VPS50: variants seen among roughly 807,000 people sequenced by gnomAD.
The protein encoded by VPS50 is VPS50 subunit of EARP/GARPII complex, also known as syndetin.
In VPS50, 70 loss-of-function variants were observed where a neutral mutation model predicts 139.7. The observed-to-expected ratio is 0.50, with a 90% CI of 0.41 to 0.61. The LOEUF (loss-of-function observed/expected upper bound fraction) is 0.61. Among genes scored for constraint, VPS50 ranks in the 20% least tolerant of loss-of-function variants. The pLI, the probability that VPS50 is intolerant of heterozygous loss-of-function variation, is 0.00. For missense variants in VPS50, 921 were observed against 1,133.7 expected (o/e 0.81, Z 2.69); for synonymous variants, 365 against 376.7 (o/e 0.97, Z 0.36).
chr7:93,254,954 G>T (rs1440077994), intron 4 of VPS50, among the ~76,000 whole-genome samples: 2 of 152,100 alleles, frequency 1.3e-5, no homozygotes, highest in East Asian at 3.9e-4. Flanking sequence ...TGGGTGCTAG[G>T]GTCTGCTTGG....
In VPS50 at chr7:93,350,041, T is replaced by A. The variant is rs1798512954; in HGVS notation, c.2463+8T>A. On this transcript the variant is annotated splice_region_variant and intron_variant, in intron 25 of 27. Transcript: ENST00000305866. ...GTAGATGCACTATTAAAGGCAAGTG[T>A]TCTGGGAAGCACCTGTGCTAAAGAT... 6 of 1,605,756 alleles carry A rather than the reference T, an allele frequency of 3.7e-6. No individual in the cohort carries two copies. Among genetic ancestry groups the A allele is most frequent in the Non-Finnish European group, 4.3e-6 (5 of 1,174,460 alleles).
chr7:93,310,647 C>T (rs1307893944), intron 19 of VPS50, among the ~76,000 whole-genome samples: 2 of 151,990 alleles, frequency 1.3e-5, no homozygotes, highest in East Asian at 1.9e-4. Flanking sequence ...TACATGCGAA[C>T]GTGGTGAACT....
At chr7:93,307,226 C>T (rs71562819) in intron 18 of VPS50, among the ~76,000 whole-genome samples, 3,255 of 151,922 alleles carry the variant, frequency 0.021, 70 homozygotes, top group South Asian at 0.033. Context: ...AGTACATAAT[C>T]TGAATTCATA....
At chr7:93,290,139 T>C (rs752491467) in intron 12 of VPS50, among the ~76,000 whole-genome samples, 7 of 152,108 alleles carry the variant, frequency 4.6e-5, no homozygotes, top group Non-Finnish European at 1.0e-4. Flanking sequence ...CTTGCTACTT[T>C]GCTGAATTCT....
intron 14 of VPS50, among the ~76,000 whole-genome samples, chr7:93,295,759 C>T (rs892763879): frequency 1.3e-5 from 2 of 151,988 alleles, no homozygotes; most frequent in Non-Finnish European, 2.9e-5. Context: ...GGGTCTCACT[C>T]TGTCACCCAG....
chr7:93,322,739 A>G (rs1281532288), intron 20 of VPS50, among the ~76,000 whole-genome samples: 1 of 152,208 alleles, frequency 6.6e-6, no homozygotes, highest in Admixed American at 6.5e-5. Flanking sequence ...AAGAAAGTAT[A>G]GAGCATTTTT....
At chr7:93,307,388 C>T (rs1336082883) in intron 18 of VPS50, among the ~76,000 whole-genome samples, 1 of 151,826 alleles carries the variant, frequency 6.6e-6, no homozygotes, top group African/African-American at 2.4e-5. Context: ...AAATCACCAA[C>T]AAAAAGCACA....
At chr7:93,351,109 T>C (rs1040108553) in intron 25 of VPS50, among the ~76,000 whole-genome samples, 8 of 152,148 alleles carry the variant, frequency 5.3e-5, no homozygotes, top group Non-Finnish European at 1.5e-5. Flanking sequence ...GGTTGAAGAC[T>C]GTGAGGCTGT....
chr7:93,343,227 G>A (rs1455058064), intron 23 of VPS50, among the ~76,000 whole-genome samples: 2 of 152,302 alleles, frequency 1.3e-5, no homozygotes, highest in African/African-American at 4.8e-5. Context: ...GGAAGAAAGG[G>A]TATCAGCGAT....
chr7:93,352,250 A>T (rs985043091), intron 25 of VPS50, among the ~76,000 whole-genome samples: 1 of 152,060 alleles, frequency 6.6e-6, no homozygotes, highest in Non-Finnish European at 1.5e-5. Context: ...GAATGCATAA[A>T]TAAATACAGT....
chr7:93,247,629 T>G (rs1795195604), intron 2 of VPS50, among the ~76,000 whole-genome samples: 1 of 151,996 alleles, frequency 6.6e-6, no homozygotes, highest in Non-Finnish European at 1.5e-5. Flanking sequence ...TGTCATTGCT[T>G]ACTTATTCAT....
chr7:93,323,633 C>G lies in VPS50; in HGVS notation c.1878C>G (p.Asn626Lys). The G allele has an allele frequency of 7.6e-7, 1 of 1,312,108 alleles. No homozygotes were observed. Among genetic ancestry groups the G allele is most frequent in the Non-Finnish European group, 1.0e-6 (1 of 984,436 alleles). The allele number at this position is 1,312,108 out of a possible 1,614,324, so 81.3% of individuals were successfully genotyped here. A position where few individuals can be genotyped will look rare whatever the true frequency, so the allele number is the denominator to read the frequency against. ...RLVGKYMQMM[N>K]ILKPIAFDVI... ...CAGGAAAATATATGCAGATGATGAA[C>G]ATTCTTAAGCCAATTGCCTTTGATG... Residue 626 changes from asparagine (N) to lysine (K), a missense_variant, in exon 21 of 28, where the codon AAC becomes AAG. Transcript: ENST00000305866.
At chr7:93,292,453 T>A (rs1163753488) in intron 13 of VPS50, among the ~76,000 whole-genome samples, 1 of 152,156 alleles carries the variant, frequency 6.6e-6, no homozygotes, top group Admixed American at 6.6e-5. Flanking sequence ...TATAATTATA[T>A]ATCTTAACTG....
intron 6 of VPS50, 41 bp from the exon 7 acceptor site, chr7:93,258,118 A>G (rs1407453516): frequency 5.0e-6 from 4 of 802,308 alleles, no homozygotes; most frequent in South Asian, 1.5e-5. Flanking sequence ...TATTCTTATT[A>G]TAATAAAAAA....
chr7:93,293,213 T>TA (rs1467832491), intron 13 of VPS50, among the ~76,000 whole-genome samples: 1 of 152,158 alleles, frequency 6.6e-6, no homozygotes, highest in Admixed American at 6.6e-5. Context: ...AGAGATAATA[T>TA]AATAATAGTG....
intron 21 of VPS50, 137 bp downstream of exon 21, chr7:93,323,869 TATC>T (rs1439202326): frequency 1.8e-5 from 7 of 385,294 alleles, no homozygotes; most frequent in Middle Eastern, 7.0e-4. Flanking sequence ...AAATTATTGA[TATC>T]AGCCTTCTGT....
At chr7:93,273,919 T>A (rs1246076651) in intron 11 of VPS50, among the ~76,000 whole-genome samples, 1 of 152,120 alleles carries the variant, frequency 6.6e-6, no homozygotes, top group Non-Finnish European at 1.5e-5. Context: ...TTTTCATCAT[T>A]ATTATATCTG....
At chr7:93,333,321 G>A (rs1437248279) in intron 21 of VPS50, among the ~76,000 whole-genome samples, 1 of 151,948 alleles carries the variant, frequency 6.6e-6, no homozygotes, top group Admixed American at 6.6e-5. Context: ...ATGTATGCTT[G>A]TGTGTGTGTA....
At chr7:93,289,834 C>G (rs889700416) in intron 12 of VPS50, among the ~76,000 whole-genome samples, 11 of 151,940 alleles carry the variant, frequency 7.2e-5, no homozygotes, top group African/African-American at 2.7e-4. Flanking sequence ...GAGACCAGAT[C>G]TTTTTCTGTA....
Sources: allele counts gnomAD v4.1 joint callset (sites outside exome capture counted in the v4.1 genomes callset), GRCh38; gene constraint gnomAD v4.1.1; transcripts MANE v1.5; gene names NCBI Gene and HGNC (gene_info 2026-07-23, HGNC 2026-07-21).